The following SLC25A21 variants were observed in gnomAD, a reference collection of about 807,000 sequenced individuals.
SLC25A21 encodes the protein mitochondrial 2-oxodicarboxylate carrier.
SLC25A21 carries 47 observed loss-of-function variants against 43.8 expected under a neutral mutation model. The ratio of observed to expected loss-of-function variants is 1.07; its 90% CI spans 0.85 to 1.37. The LOEUF (loss-of-function observed/expected upper bound fraction) is 1.37, where lower values mean the gene tolerates loss of function less well. Among genes scored for constraint, SLC25A21 ranks in the 40% most tolerant of loss-of-function variants. The probability of loss-of-function intolerance (pLI) is 0.00; values close to 1 mark genes in which losing one functional copy is unlikely to be tolerated. For missense variants in SLC25A21, 352 were observed against 350.2 expected, an observed-to-expected ratio of 1.00 and a Z score of -0.04; for synonymous variants, 131 against 121.3, an observed-to-expected ratio of 1.08 and a Z score of -0.52.
intron 1 of SLC25A21, among the ~76,000 whole-genome samples, chr14:36,966,309 C>T (rs1959614377): frequency 6.6e-6 from 1 of 152,160 alleles, no homozygotes; most frequent in African/African-American, 2.4e-5. Flanking sequence ...TACTCCATAG[C>T]CATCCTAACA....
intron 1 of SLC25A21, among the ~76,000 whole-genome samples, chr14:37,112,261 C>T (rs1963032934): frequency 1.3e-5 from 2 of 151,926 alleles, no homozygotes; most frequent in Admixed American, 1.3e-4. Flanking sequence ...TACAACAGGC[C>T]CCTTTGTAGG....
chr14:37,041,705 C>T (rs991083234), intron 1 of SLC25A21, among the ~76,000 whole-genome samples: 1 of 152,148 alleles, frequency 6.6e-6, no homozygotes, highest in East Asian at 1.9e-4. Context: ...TCAAGTCCAG[C>T]CATGTGCTTA....
intron 1 of SLC25A21, among the ~76,000 whole-genome samples, chr14:36,968,675 C>T (rs1244277694): frequency 6.6e-6 from 1 of 152,132 alleles, no homozygotes; most frequent in African/African-American, 2.4e-5. Flanking sequence ...TGAGCTGCAG[C>T]TCAGCGTTGG....
chr14:36,947,410 G>A (rs1383008345), intron 1 of SLC25A21, among the ~76,000 whole-genome samples: 1 of 152,192 alleles, frequency 6.6e-6, no homozygotes, highest in African/African-American at 2.4e-5. Flanking sequence ...ATGTGTACAG[G>A]TGAATTAAGA....
At chr14:36,879,081 T>G (rs1890632518) in intron 1 of SLC25A21, among the ~76,000 whole-genome samples, 1 of 152,224 alleles carries the variant, frequency 6.6e-6, no homozygotes, top group Non-Finnish European at 1.5e-5. Flanking sequence ...TGGTGTTTGA[T>G]CTTAAAACCA....
intron 5 of SLC25A21, among the ~76,000 whole-genome samples, chr14:36,725,955 T>C (rs1884586522): frequency 6.6e-6 from 1 of 152,224 alleles, no homozygotes; most frequent in African/African-American, 2.4e-5. Flanking sequence ...AAAAGCAAGG[T>C]TGTTTTACTG....
chr14:36,755,895 G>A (rs73262701), intron 3 of SLC25A21, among the ~76,000 whole-genome samples: 239 of 152,302 alleles, frequency 1.6e-3, no homozygotes, highest in African/African-American at 5.5e-3. Flanking sequence ...GCAAATGAGA[G>A]GCTGGGACTC....
chr14:36,958,679 G>GCGCGCGCACACACA (rs1399246300), intron 1 of SLC25A21, among the ~76,000 whole-genome samples: 1 of 136,844 alleles, frequency 7.3e-6, no homozygotes, highest in Non-Finnish European at 1.6e-5. Context: ...AAGCACACGT[G>GCGCGCGCACACACA]CACACACACA....
intron 3 of SLC25A21, among the ~76,000 whole-genome samples, chr14:36,776,570 C>A (rs1175332331): frequency 3.9e-5 from 6 of 151,946 alleles, no homozygotes; most frequent in Admixed American, 3.9e-4. Context: ...CCTATAATCA[C>A]TGGAGAATAT....
chr14:36,732,060 T>C (rs1884848016), intron 4 of SLC25A21, among the ~76,000 whole-genome samples: 1 of 152,192 alleles, frequency 6.6e-6, no homozygotes, highest in Admixed American at 6.5e-5. Context: ...TACTGGTCCC[T>C]GTTACTCTAT....
chr14:36,680,614 G>A lies in SLC25A21; in HGVS notation c.*44C>T, dbSNP rs781253744. The A allele has an allele frequency of 6.2e-7, 1 of 1,606,782 alleles. No individual in the cohort carries two copies. The highest frequency in any genetic ancestry group is 8.5e-7 in the Non-Finnish European group (1 of 1,176,646). On this transcript the variant is annotated 3_prime_UTR_variant, in exon 10 of 10. Coordinates refer to ENST00000331299, the MANE Select transcript of SLC25A21 (RefSeq NM_030631.4). ...TCTCTCTTCTTCATGGTGCTGCATA[G>A]CAAATATCCATTATCTCAAGGGGGA...
intron 1 of SLC25A21, among the ~76,000 whole-genome samples, chr14:37,161,686 C>T (rs1963943321): frequency 1.3e-5 from 2 of 151,778 alleles, no homozygotes; most frequent in South Asian, 4.2e-4. Context: ...AACGGCCAGG[C>T]ACGGTGGCTC....
In SLC25A21 at chr14:37,080,515, G is replaced by A. The variant is rs143296930; in HGVS notation, c.70+91766C>T. ...CTCAGGAGGCTGAGGTGGGAGGATCGCCTGAGCCCAGGAGGTCGAGACTGC... is the reference window on the plus strand; with the variant it reads ...CTCAGGAGGCTGAGGTGGGAGGATCACCTGAGCCCAGGAGGTCGAGACTGC... On this transcript the variant is annotated intron_variant, in intron 1 of 9. Transcript: ENST00000331299. Among the ~76,000 whole-genome samples, 10 of 152,262 alleles carry A rather than the reference G, an allele frequency of 6.6e-5. No homozygotes were observed. In the East Asian group the frequency reaches 1.4e-3, roughly 21 times the overall value.
chr14:36,994,261 G>A (rs924498296), intron 1 of SLC25A21, among the ~76,000 whole-genome samples: 1 of 152,150 alleles, frequency 6.6e-6, no homozygotes, highest in Non-Finnish European at 1.5e-5. Flanking sequence ...CTTGAAGATG[G>A]TCCTAAGATT....
chr14:37,146,174 C>T (rs1028492877), intron 1 of SLC25A21, among the ~76,000 whole-genome samples: 6 of 152,282 alleles, frequency 3.9e-5, no homozygotes, highest in Admixed American at 3.9e-4. Flanking sequence ...TTTATTCATT[C>T]ATCTATTCAT....
intron 1 of SLC25A21, among the ~76,000 whole-genome samples, chr14:37,126,126 T>C (rs950960670): frequency 1.3e-5 from 2 of 152,182 alleles, no homozygotes; most frequent in Non-Finnish European, 2.9e-5. Flanking sequence ...GGCCTGGCAA[T>C]AGCTTTCCTT....
chr14:36,690,474 T>A (rs2139150585), intron 7 of SLC25A21, among the ~76,000 whole-genome samples: 1 of 152,336 alleles, frequency 6.6e-6, no homozygotes. Flanking sequence ...GCCCAGCTCC[T>A]TCTGACTCCC....
rs185189249 is a variant in SLC25A21 at position 36,775,834 on chromosome 14, A to G, written c.203+38084T>C. Among the ~76,000 whole-genome samples, 14 of 152,054 alleles carry G rather than the reference A, an allele frequency of 9.2e-5. No homozygotes were observed. The East Asian group carries it at 2.7e-3, about 29-fold the overall frequency. ...AGCCATCCTATTTAACAGGTGCCCT[A>G]CCCCCACCCAAATACCCTGGCCTAA... On this transcript the variant is annotated intron_variant, in intron 3 of 9. Coordinates refer to ENST00000331299, the MANE Select transcript of SLC25A21 (RefSeq NM_030631.4).
intron 1 of SLC25A21, among the ~76,000 whole-genome samples, chr14:37,164,878 AG>A (rs1430561666): frequency 1.3e-5 from 2 of 152,214 alleles, no homozygotes; most frequent in Non-Finnish European, 2.9e-5. Context: ...CCCTCAAAAA[AG>A]TCTTTCATTT....
Sources: allele counts gnomAD v4.1 joint callset (sites outside exome capture counted in the v4.1 genomes callset), GRCh38; gene constraint gnomAD v4.1.1; transcripts MANE v1.5; gene names NCBI Gene and HGNC (gene_info 2026-07-23, HGNC 2026-07-21).